The following PDE4D variants were observed in gnomAD, a reference collection of about 807,000 sequenced individuals.
PDE4D encodes phosphodiesterase 4D.
Under a neutral mutation model 87.4 loss-of-function variants are expected in PDE4D, and 24 were observed. That is an observed-to-expected ratio of 0.27 (90% confidence interval 0.20 to 0.39). The LOEUF is 0.39. PDE4D is among the 10% of genes least tolerant of loss of function. The pLI, the probability that PDE4D is intolerant of heterozygous loss-of-function variation, is 1.00. For missense variants in PDE4D, 714 were observed against 1,041.0 expected, an observed-to-expected ratio of 0.69 and a Z score of 4.32; for synonymous variants, 384 against 383.2, an observed-to-expected ratio of 1.00 and a Z score of -0.02.
intron 1 of PDE4D, among the ~76,000 whole-genome samples, chr5:59,346,699 T>A (rs1779661018): frequency 6.6e-6 from 1 of 152,144 alleles, no homozygotes; most frequent in Middle Eastern, 3.2e-3. Context: ...AAGCCGTCCT[T>A]GTCATCTTCC....
chr5:59,506,198 GGTAA>G lies in PDE4D; in HGVS notation c.456-290234_456-290231del, dbSNP rs761414470. Among the ~76,000 whole-genome samples the G allele has an allele frequency of 5.2e-4, 79 of 151,980 alleles. 1 individual carries two copies. Among genetic ancestry groups the G allele is most frequent in the South Asian group, 8.3e-4 (4 of 4,808 alleles). On this transcript the variant is annotated intron_variant, in intron 1 of 14. Coordinates refer to ENST00000340635, the MANE Select transcript of PDE4D (RefSeq NM_001104631.2). Reference sequence around the variant, plus strand: ...ATAAATGGTTTCACATTACAAGTAAGGTAAGTATTTTAAAATACTAACTTTTCAA... The same window carrying G: ...ATAAATGGTTTCACATTACAAGTAAGGTATTTTAAAATACTAACTTTTCAA...
intron 1 of PDE4D, among the ~76,000 whole-genome samples, chr5:59,640,052 T>C (rs1409634044): frequency 2.0e-5 from 3 of 152,166 alleles, no homozygotes; most frequent in African/African-American, 7.2e-5. Context: ...GAAAAAGTTA[T>C]TGAAAAGTAA....
chr5:60,092,224 T>C (rs1370900251), intron 2 of PDE4D, among the ~76,000 whole-genome samples: 2 of 151,964 alleles, frequency 1.3e-5, no homozygotes, highest in Admixed American at 6.6e-5. Context: ...TTCTTACTCA[T>C]ATAAGGAAGC....
intron 1 of PDE4D, among the ~76,000 whole-genome samples, chr5:59,761,934 C>G (rs74664445): frequency 0.04 from 6,027 of 151,936 alleles, 126 homozygotes; most frequent in Middle Eastern, 0.045. Flanking sequence ...ACCAGCATGC[C>G]CACAAACACA....
intron 6 of PDE4D, among the ~76,000 whole-genome samples, chr5:58,993,908 T>A (rs1748541201): frequency 6.6e-6 from 1 of 152,122 alleles, no homozygotes; most frequent in South Asian, 2.1e-4. Flanking sequence ...AACTAATTTA[T>A]AGCACATAAA....
intron 1 of PDE4D, among the ~76,000 whole-genome samples, chr5:59,370,064 T>C (rs1169037158): frequency 1.3e-5 from 2 of 152,182 alleles, no homozygotes; most frequent in Non-Finnish European, 2.9e-5. Context: ...TTTCAAAACA[T>C]TGCCAGAATC....
chr5:59,314,172 T>G (rs1049693716), intron 1 of PDE4D: 1 of 152,142 alleles, frequency 6.6e-6, no homozygotes. Flanking sequence ...TATTTTTATA[T>G]GGACCTAAAC....
chr5:60,389,462 T>G (rs1762424222), intron 1 of PDE4D, among the ~76,000 whole-genome samples: 1 of 152,200 alleles, frequency 6.6e-6, no homozygotes, highest in Non-Finnish European at 1.5e-5. Context: ...GTATTTCTCT[T>G]TCCTAGTCAC....
At chr5:59,617,404 C>T (rs977033691) in intron 1 of PDE4D, among the ~76,000 whole-genome samples, 8 of 152,112 alleles carry the variant, frequency 5.3e-5, no homozygotes, top group Admixed American at 2.6e-4. Context: ...CACGAATAAA[C>T]CCAAGTCCAA....
intron 1 of PDE4D, among the ~76,000 whole-genome samples, chr5:60,443,001 C>A (rs1474185642): frequency 6.6e-6 from 1 of 151,942 alleles, no homozygotes; most frequent in Non-Finnish European, 1.5e-5. Flanking sequence ...ACTTAATATC[C>A]ACTCTCAGGA....
intron 1 of PDE4D, among the ~76,000 whole-genome samples, chr5:59,490,160 T>C (rs1335484002): frequency 1.3e-5 from 2 of 152,188 alleles, no homozygotes; most frequent in Non-Finnish European, 2.9e-5. Flanking sequence ...TCTTTTTCTT[T>C]CTTCTAAAGC....
chr5:60,082,369 T>C lies in PDE4D; in HGVS notation c.43-93652A>G, dbSNP rs577145506. Among the ~76,000 whole-genome samples, 65 of 152,284 alleles carry C rather than the reference T, an allele frequency of 4.3e-4. No homozygotes were observed. In the South Asian group the frequency reaches 0.013, roughly 32 times the overall value. ...CCAAGAGGAGTGCCCTCACTAGACA[T>C]TGAATCTGCCAGCACCTTAATCTTG... is the stretch of plus-strand genomic sequence containing the variant. On this transcript the variant is annotated intron_variant, in intron 2 of 16. Coordinates refer to the PDE4D transcript ENST00000502484.
rs151206658 is a variant in PDE4D, at chr5:60,144,968, A to G, written c.42+40589T>C. ...TAAGTTTGGACATGAGAGAGGTGAA[A>G]GGCTCAAGAGCCTCCCCTGGAATGG... On this transcript the variant is annotated intron_variant, in intron 2 of 16. Transcript: ENST00000502484. 9.5e-4 allele frequency among the ~76,000 whole-genome samples: 144 copies of G among 152,344 alleles called. 1 individual carries two copies. The highest frequency in any genetic ancestry group is 3.4e-3 in the African/African-American group (140 of 41,576).
intron 3 of PDE4D, among the ~76,000 whole-genome samples, chr5:59,941,748 A>G (rs1356127346): frequency 1.3e-5 from 2 of 152,218 alleles, no homozygotes; most frequent in Non-Finnish European, 2.9e-5. Context: ...GGGAGGTGGC[A>G]GCACTCTAAT....
intron 1 of PDE4D, among the ~76,000 whole-genome samples, chr5:59,335,862 T>G (rs775700647): frequency 6.6e-6 from 1 of 152,188 alleles, no homozygotes; most frequent in Non-Finnish European, 1.5e-5. Flanking sequence ...CCTAAGGCAC[T>G]CCCAGCCATT....
At chr5:59,251,034 G>A (rs10045441) in intron 1 of PDE4D, among the ~76,000 whole-genome samples, 7,104 of 152,082 alleles carry the variant, frequency 0.047, 235 homozygotes, top group African/African-American at 0.09. Context: ...AATTCAAGAT[G>A]GATTAAAGAC....
chr5:59,783,360 AG>A (rs1234826497), intron 1 of PDE4D, among the ~76,000 whole-genome samples: 1 of 152,212 alleles, frequency 6.6e-6, no homozygotes, highest in African/African-American at 2.4e-5. Flanking sequence ...GAGCCATCCC[AG>A]GTTGAGGTGT....
intron 1 of PDE4D, among the ~76,000 whole-genome samples, chr5:59,471,493 G>A (rs1802436758): frequency 6.6e-6 from 1 of 152,222 alleles, no homozygotes; most frequent in African/African-American, 2.4e-5. Flanking sequence ...CTATATCTTA[G>A]AGCATAAAAT....
intron 1 of PDE4D, among the ~76,000 whole-genome samples, chr5:59,846,420 T>G (rs778440884): frequency 2.0e-5 from 3 of 152,062 alleles, no homozygotes; most frequent in Non-Finnish European, 4.4e-5. Flanking sequence ...GGGATGCTTG[T>G]GTTAATGTTC....
Sources: allele counts gnomAD v4.1 joint callset (sites outside exome capture counted in the v4.1 genomes callset), GRCh38; gene constraint gnomAD v4.1.1; transcripts MANE v1.5; gene names NCBI Gene and HGNC (gene_info 2026-07-23, HGNC 2026-07-21).